The following DDX19B variants were observed in gnomAD, a reference collection of about 807,000 sequenced individuals.
DDX19B encodes ATP-dependent RNA helicase DDX19B.
A neutral mutation model predicts 58.1 loss-of-function variants in DDX19B; 27 were observed. The ratio of observed to expected loss-of-function variants is 0.46; its 90% confidence interval spans 0.34 to 0.64. The LOEUF (loss-of-function observed/expected upper bound fraction) is 0.64, where lower values mean the gene tolerates loss of function less well. DDX19B is among the 30% of genes least tolerant of loss of function. DDX19B has a pLI of 0.01. For missense variants in DDX19B, 399 were observed against 596.5 expected (o/e 0.67, Z 3.45); for synonymous variants, 187 against 214.4 (o/e 0.87, Z 1.12).
chr16:70,301,921 A>AT (rs772503910), intron 1 of DDX19B, among the ~76,000 whole-genome samples: 9,451 of 130,158 alleles, frequency 0.073, 507 homozygotes, highest in African/African-American at 0.16. Flanking sequence ...TGGCCCTTTA[A>AT]TTTTTTTTTT....
upstream of DDX19B, among the ~76,000 whole-genome samples, chr16:70,293,736 C>G (rs1037846555): frequency 6.7e-6 from 1 of 150,066 alleles, no homozygotes; most frequent in African/African-American, 2.5e-5. Flanking sequence ...CTCAGCCTCC[C>G]GAGTAGCTGG....
At chr16:70,293,207 A>G (rs922655253), upstream of DDX19B, among the ~76,000 whole-genome samples, 1 of 152,126 alleles carries the variant, frequency 6.6e-6, no homozygotes, top group African/African-American at 2.4e-5. Context: ...GCTTGAGCCC[A>G]GGAGTTTGAG....
At chr16:70,307,703 A>ATGTG (rs147276648) in intron 1 of DDX19B, among the ~76,000 whole-genome samples, 1 of 149,470 alleles carries the variant, frequency 6.7e-6, no homozygotes, top group Non-Finnish European at 1.5e-5. Flanking sequence ...GTATGTATAT[A>ATGTG]TGTGTGTGTG....
At chr16:70,324,493 T>C in intron 5 of DDX19B, 92 bp from the exon 6 acceptor site, 2 of 1,060,090 alleles carry the variant, frequency 1.9e-6, no homozygotes, top group Non-Finnish European at 2.8e-6. Flanking sequence ...ATCCAAGGTC[T>C]CCTATAAATG....
chr16:70,300,136 C>T (rs977801203), intron 1 of DDX19B, among the ~76,000 whole-genome samples: 1 of 151,928 alleles, frequency 6.6e-6, no homozygotes, highest in Non-Finnish European at 1.5e-5. Flanking sequence ...GTTGTATATA[C>T]ACATTGTTTA....
At chr16:70,293,089 T>A (rs1961101493), upstream of DDX19B, among the ~76,000 whole-genome samples, 1 of 130,728 alleles carries the variant, frequency 7.6e-6, no homozygotes, top group African/African-American at 4.3e-5. Flanking sequence ...TCAAAAAAAT[T>A]AAATTAAATT....
chr16:70,333,646 A>G lies in DDX19B; in HGVS notation c.*64A>G, dbSNP rs1963600362. 3.1e-6 allele frequency: 5 copies of G among 1,612,722 alleles called. No homozygotes were observed. In the East Asian group the frequency reaches 1.1e-4, roughly 36 times the overall value. On this transcript the variant is annotated 3_prime_UTR_variant, in exon 12 of 12. Coordinates refer to ENST00000288071, the MANE Select transcript of DDX19B (RefSeq NM_007242.7). The stretch of plus-strand genomic sequence containing the variant: ...CCCTGCACAGGAGACAAGTGCGTTC[A>G]GGGCACAGGCCCCGACATCACCCCA...
At chr16:70,326,620 T>G (rs1329074859) in intron 7 of DDX19B, among the ~76,000 whole-genome samples, 1 of 152,092 alleles carries the variant, frequency 6.6e-6, no homozygotes, top group African/African-American at 2.4e-5. Context: ...CACTGCAACC[T>G]CTGCCCTCCG....
upstream of DDX19B, chr16:70,295,089 G>T (rs754941311): frequency 4.3e-5 from 55 of 1,274,768 alleles, no homozygotes; most frequent in Non-Finnish European, 4.3e-5. Flanking sequence ...TGTGATTTCA[G>T]GGGAAACTGA....
chr16:70,302,045 C>T (rs775811639), intron 1 of DDX19B, among the ~76,000 whole-genome samples: 2 of 152,016 alleles, frequency 1.3e-5, no homozygotes, highest in Admixed American at 6.6e-5. Flanking sequence ...CTCAGCCTCC[C>T]GAGTAGCTGG....
At chr16:70,329,614 A>G (rs1963371902) in intron 8 of DDX19B, 145 bp downstream of exon 8, 2 of 1,355,730 alleles carry the variant, frequency 1.5e-6, no homozygotes, top group South Asian at 1.4e-5. Context: ...CTTCCGTGTC[A>G]GCGCTGGCCA....
chr16:70,329,317 G>C lies in DDX19B; in HGVS notation c.633G>C (p.Glu211Asp). ...NKLERGQKIS[E>D]QIVIGTPGTV... ...TGGAAAGAGGCCAGAAGATCAGTGA[G>C]CAGATTGTCATTGGCACCCCTGGGA... Residue 211 changes from glutamate to aspartate, a missense_variant, in exon 8 of 12, where the codon GAG becomes GAC. By Grantham distance (45) the Glu-to-Asp change is conservative. Transcript: ENST00000288071. 1 of 1,613,950 alleles carries C rather than the reference G, an allele frequency of 6.2e-7. No individual in the cohort carries two copies. The highest frequency in any genetic ancestry group is 1.1e-5 in the South Asian group (1 of 91,078).
intron 1 of DDX19B, among the ~76,000 whole-genome samples, chr16:70,309,229 C>T (rs950501153): frequency 6.6e-6 from 1 of 152,136 alleles, no homozygotes; most frequent in Non-Finnish European, 1.5e-5. Flanking sequence ...GGCGCGGTGG[C>T]TTATGCCTGT....
At chr16:70,321,721 A>G (rs1213927413) in intron 5 of DDX19B, among the ~76,000 whole-genome samples, 1 of 152,128 alleles carries the variant, frequency 6.6e-6, no homozygotes, top group Non-Finnish European at 1.5e-5. Flanking sequence ...TTTATGACAT[A>G]TATTTTTTAC....
upstream of DDX19B, among the ~76,000 whole-genome samples, chr16:70,294,441 G>C (rs1023338383): frequency 6.6e-6 from 1 of 152,092 alleles, no homozygotes; most frequent in Non-Finnish European, 1.5e-5. Context: ...ATTATACTTG[G>C]AATACCAAGG....
At chr16:70,311,556 A>G (rs1329216939) in intron 1 of DDX19B, among the ~76,000 whole-genome samples, 3 of 152,220 alleles carry the variant, frequency 2.0e-5, no homozygotes, top group African/African-American at 7.2e-5. Context: ...GCATTCTAAT[A>G]GAGGAGATAA....
rs773147315 is a variant in DDX19B at position 70,316,103 on chromosome 16, C to T, written c.295C>T (p.Leu99=). The T allele has an allele frequency of 6.2e-7, 1 of 1,614,066 alleles. No homozygotes were observed. Among genetic ancestry groups the T allele is most frequent in the South Asian group, 1.1e-5 (1 of 91,074 alleles). ...GGTGAAGTCTTTTGAAGAGCTTCGGCTGTGAGTATTTATTCACCTTCTGAC... is the reference window on the plus strand; with the variant it reads ...GGTGAAGTCTTTTGAAGAGCTTCGGTTGTGAGTATTTATTCACCTTCTGAC... The part of the protein sequence containing the change: ...YSVKSFEELR[L]KPQLLQGVYA... Residue 99 remains leucine, a splice_region_variant and synonymous_variant, in exon 4 of 12, where the codon CTG becomes TTG. Coordinates refer to ENST00000288071, the MANE Select transcript of DDX19B (RefSeq NM_007242.7).
upstream of DDX19B, among the ~76,000 whole-genome samples, chr16:70,294,398 ACAGGCTT>A (rs902919682): frequency 5.9e-5 from 9 of 152,140 alleles, no homozygotes; most frequent in African/African-American, 2.2e-4. Context: ...TGCATTTTTA[ACAGGCTT>A]CAGGCGATAT....
upstream of DDX19B, chr16:70,289,788 A>C (rs1320774794): frequency 2.4e-5 from 9 of 368,324 alleles, no homozygotes; most frequent in East Asian, 7.9e-4. Flanking sequence ...CCGGAGGTCG[A>C]CATTTTGGTT....
Sources: allele counts gnomAD v4.1 joint callset (sites outside exome capture counted in the v4.1 genomes callset), GRCh38; gene constraint gnomAD v4.1.1; transcripts MANE v1.5; gene names NCBI Gene and HGNC (gene_info 2026-07-23, HGNC 2026-07-21).